Variants in NSG2 observed in about 807,000 individuals in gnomAD.
NSG2 encodes neuronal vesicle trafficking-associated protein 2.
In NSG2, 4 loss-of-function variants were observed where a neutral mutation model predicts 16.9. The ratio of observed to expected loss-of-function variants is 0.24; its 90% CI spans 0.12 to 0.54. NSG2 has a LOEUF of 0.54. Among genes scored for constraint, NSG2 ranks in the 20% least tolerant of loss-of-function variants. The probability of loss-of-function intolerance (pLI) is 0.95; values close to 1 mark genes in which losing one functional copy is unlikely to be tolerated. For missense variants in NSG2, 179 were observed against 221.1 expected (o/e 0.81, Z 1.21); for synonymous variants, 98 against 88.7 (o/e 1.11, Z -0.59).
chr5:174,104,400 C>T, intron 4 of NSG2, 62 bp downstream of exon 4: 1 of 1,133,086 alleles, frequency 8.8e-7, no homozygotes, highest in Non-Finnish European at 1.3e-6. Context: ...TGATCAATGT[C>T]TTCTCTTCAC....
At position 174,072,965 on chromosome 5, in the gene NSG2, CAG is replaced by C. The variant is rs1170931499; in HGVS notation, c.213+8653_213+8654del. 2.6e-5 allele frequency among the ~76,000 whole-genome samples: 4 copies of C among 152,146 alleles called. No homozygotes were observed. The highest frequency in any genetic ancestry group is 6.5e-5 in the Admixed American group (1 of 15,276). ...TGCCACTGCACTCCAACCTGGGTAA[CAG>C]AGTGAGATCCTGTCTCAAATGAATG... On this transcript the variant is annotated intron_variant, in intron 3 of 4. Coordinates refer to ENST00000303177, the MANE Select transcript of NSG2 (RefSeq NM_015980.5). This position sits in a 1 kb window ranked among gnomAD's most constrained non-coding sequence, Gnocchi z 4.0.
At chr5:174,051,106 C>T (rs908465534) in intron 2 of NSG2, among the ~76,000 whole-genome samples, 18 of 152,172 alleles carry the variant, frequency 1.2e-4, no homozygotes, top group African/African-American at 4.3e-4. Context: ...GGGGGCGATT[C>T]TCTCTCCCTG....
intron 2 of NSG2, among the ~76,000 whole-genome samples, chr5:174,061,138 C>T (rs1415423395): frequency 6.6e-6 from 1 of 152,020 alleles, no homozygotes. Context: ...ATATATTACA[C>T]ACACACACAC....
chr5:174,095,609 T>C (rs2113470285), intron 3 of NSG2, among the ~76,000 whole-genome samples: 1 of 152,282 alleles, frequency 6.6e-6, no homozygotes, highest in Non-Finnish European at 1.5e-5. Flanking sequence ...GATTCTTAAC[T>C]AAATTACATC....
chr5:174,092,430 T>A (rs1341764522), intron 3 of NSG2, among the ~76,000 whole-genome samples: 1 of 152,234 alleles, frequency 6.6e-6, no homozygotes, highest in East Asian at 1.9e-4. Flanking sequence ...GGTGGGGCCC[T>A]TGGGCCCTGG....
intron 3 of NSG2, among the ~76,000 whole-genome samples, chr5:174,085,451 C>T (rs1760593324): frequency 6.6e-6 from 1 of 152,186 alleles, no homozygotes; most frequent in Non-Finnish European, 1.5e-5. Flanking sequence ...ACAGCCAAAA[C>T]TAAACTGCTA....
At chr5:174,065,196 C>T (rs1466337622) in intron 3 of NSG2, among the ~76,000 whole-genome samples, 3 of 151,754 alleles carry the variant, frequency 2.0e-5, no homozygotes, top group Admixed American at 6.6e-5. Context: ...GGCGTAGTGG[C>T]GGGCGCCTGT....
chr5:174,104,798 C>A (rs1296804645), intron 4 of NSG2, among the ~76,000 whole-genome samples: 1 of 152,166 alleles, frequency 6.6e-6, no homozygotes, highest in African/African-American at 2.4e-5. Context: ...AACTCCTTCT[C>A]TGAAAGAACG....
intron 3 of NSG2, among the ~76,000 whole-genome samples, chr5:174,081,339 C>T (rs989625117): frequency 1.1e-4 from 16 of 152,126 alleles, no homozygotes; most frequent in African/African-American, 3.9e-4. Context: ...TTAGCATTTA[C>T]ATTTTGATGT....
At chr5:174,083,422 C>A (rs1198019734) in intron 3 of NSG2, among the ~76,000 whole-genome samples, 2 of 152,202 alleles carry the variant, frequency 1.3e-5, no homozygotes, top group African/African-American at 2.4e-5. Context: ...TGTTTCTCGG[C>A]TGCAGGAGAT....
intron 3 of NSG2, among the ~76,000 whole-genome samples, chr5:174,081,029 T>G (rs1036078421): frequency 1.6e-4 from 24 of 152,296 alleles, no homozygotes; most frequent in African/African-American, 5.3e-4. Flanking sequence ...TCTTTTCTTT[T>G]GTTGTTTTTT....
At chr5:174,065,499 G>A (rs1760125154) in intron 3 of NSG2, among the ~76,000 whole-genome samples, 1 of 152,180 alleles carries the variant, frequency 6.6e-6, no homozygotes, top group African/African-American at 2.4e-5. Flanking sequence ...AAGGACTTCA[G>A]GAAGAGAAGG....
intron 2 of NSG2, among the ~76,000 whole-genome samples, chr5:174,055,391 A>G: frequency 6.6e-6 from 1 of 152,110 alleles, no homozygotes. Flanking sequence ...CAGGAGATCC[A>G]GACCATCCTG....
intron 2 of NSG2, among the ~76,000 whole-genome samples, chr5:174,060,373 AT>A (rs58018000): frequency 0.058 from 8,548 of 147,482 alleles, 253 homozygotes; most frequent in Non-Finnish European, 0.068. Flanking sequence ...ACTTCTTAAT[AT>A]TTTTTTTTTT....
intron 2 of NSG2, 75 bp from the exon 3 acceptor site, chr5:174,064,157 T>A (rs1760102358): frequency 2.0e-6 from 2 of 998,956 alleles, no homozygotes; most frequent in African/African-American, 3.2e-5. Flanking sequence ...TGTAATAAAT[T>A]CTGGTTACTG....
chr5:174,074,842 T>C (rs1049782806), intron 3 of NSG2, among the ~76,000 whole-genome samples: 1 of 151,834 alleles, frequency 6.6e-6, no homozygotes, highest in Non-Finnish European at 1.5e-5. Context: ...TTAGAGCTCA[T>C]CTCCCCTGGA....
chr5:174,098,446 T>C (rs1315392887), intron 3 of NSG2, among the ~76,000 whole-genome samples: 1 of 152,118 alleles, frequency 6.6e-6, no homozygotes, highest in Non-Finnish European at 1.5e-5. Flanking sequence ...TCTCTCCTTG[T>C]CCCCTTCGTC....
chr5:174,100,728 T>C (rs1382904732), intron 3 of NSG2, among the ~76,000 whole-genome samples: 1 of 152,240 alleles, frequency 6.6e-6, no homozygotes, highest in Non-Finnish European at 1.5e-5. Flanking sequence ...ATTTGGGATT[T>C]CTTAACTCAG....
chr5:174,053,840 G>C (rs1561661354), intron 2 of NSG2, among the ~76,000 whole-genome samples: 1 of 152,164 alleles, frequency 6.6e-6, no homozygotes, highest in Non-Finnish European at 1.5e-5. Flanking sequence ...TCCTCAGTTT[G>C]CTCTTGTTGG....
Sources: gnomAD v4.1 joint callset for allele counts (sites outside exome capture counted in the v4.1 genomes callset) on GRCh38, gnomAD v4.1.1 for gene constraint, Gnocchi (gnomAD v3.1) non-coding constraint, MANE v1.5 for transcripts, NCBI Gene and HGNC (gene_info 2026-07-23, HGNC 2026-07-21) for gene names.